Variants in NEFM observed in about 807,000 individuals in gnomAD.
NEFM encodes the protein neurofilament medium polypeptide.
A neutral mutation model predicts 48.1 loss-of-function variants in NEFM; 16 were observed. That is an observed-to-expected ratio of 0.33 (90% CI 0.23 to 0.51). NEFM has a LOEUF of 0.51. Among genes scored for constraint, NEFM ranks in the 20% least tolerant of loss-of-function variants. The pLI, the probability that NEFM is intolerant of heterozygous loss-of-function variation, is 0.98. For missense variants in NEFM, 1,107 were observed against 1,136.0 expected (o/e 0.97, Z 0.37); for synonymous variants, 465 against 456.9 (o/e 1.02, Z -0.23).
chr8:24,916,127 T>G (rs1294319862), intron 2 of NEFM, among the ~76,000 whole-genome samples: 2 of 152,228 alleles, frequency 1.3e-5, no homozygotes, highest in African/African-American at 4.8e-5. Flanking sequence ...GACGTTCTAT[T>G]TCTCTGTTTC....
At chr8:24,915,019 CG>C (rs1802551988) in intron 1 of NEFM, 146 bp downstream of exon 1, 10 of 1,395,186 alleles carry the variant, frequency 7.2e-6, no homozygotes, top group Non-Finnish European at 9.2e-6. Flanking sequence ...AGGGTATTTG[CG>C]GATCAGCGTC....
At chr8:24,915,007 C>T in intron 1 of NEFM, 134 bp downstream of exon 1, 2 of 1,405,170 alleles carry the variant, frequency 1.4e-6, no homozygotes, top group South Asian at 1.6e-5. Context: ...CGCCGCAGAC[C>T]TAGGGTATTT....
intron 2 of NEFM, 26 bp from the exon 3 acceptor site, chr8:24,917,035 C>G: frequency 6.2e-7 from 1 of 1,606,092 alleles, no homozygotes; most frequent in Non-Finnish European, 8.5e-7. Context: ...TTTACTATGT[C>G]TTATGTTCTT....
In NEFM at chr8:24,917,994, C is replaced by G; in HGVS notation, c.2139C>G (p.Pro713=). 1 of 1,604,974 alleles carries G rather than the reference C, an allele frequency of 6.2e-7. No individual in the cohort carries two copies. Among genetic ancestry groups the G allele is most frequent in the Non-Finnish European group, 8.5e-7 (1 of 1,175,046 alleles). Residue 713 remains proline, a synonymous_variant, in exon 3 of 3, where the codon CCC becomes CCG. Coordinates refer to ENST00000221166, the MANE Select transcript of NEFM (RefSeq NM_005382.2). The stretch of plus-strand genomic sequence containing the variant: ...AAGAAAAGGAAGTCAAGGAAGCTCC[C>G]AAGGAAGAGAAGGTAGAGAAAAAGG... ...EEEEKEVKEA[P]KEEKVEKKEE...
At chr8:24,916,287 A>G (rs928891819) in intron 2 of NEFM, among the ~76,000 whole-genome samples, 4 of 152,214 alleles carry the variant, frequency 2.6e-5, no homozygotes, top group East Asian at 1.9e-4. Context: ...TATATCATGT[A>G]TGATATTAAT....
rs139935951 is a variant in NEFM at position 24,915,832 on chromosome 8, T to G, written c.1205+103T>G. On this transcript the variant is annotated intron_variant, in intron 2 of 2. Transcript: ENST00000221166. The stretch of plus-strand genomic sequence containing the variant: ...AGTTAAAGCAGGCAGGGTGCAGGCA[T>G]CAACTCAGCACCTGGTTATCTTGCT... 2,536 of 1,459,900 alleles carry G rather than the reference T, an allele frequency of 1.7e-3. 40 individuals carry two copies. In the African/African-American group the frequency reaches 0.023, roughly 13 times the overall value. The allele number at this position is 1,459,900 out of a possible 1,614,324, so 90.4% of individuals were successfully genotyped here.
Position 24,913,777 on chromosome 8 carries a change from G to A in NEFM, c.-17G>A, listed in dbSNP as rs765377605. On this transcript the variant is annotated 5_prime_UTR_variant, in exon 1 of 3. Coordinates refer to ENST00000221166, the MANE Select transcript of NEFM (RefSeq NM_005382.2). ...CGGCAGAACGCTGTGACAGCCACAC[G>A]CCCCAAGGCCTCCAAGATGAGCTAC... 34 of 1,599,378 alleles carry A rather than the reference G, an allele frequency of 2.1e-5. No individual in the cohort carries two copies. The African/African-American group carries it at 2.8e-4, about 13-fold the overall frequency.
At position 24,915,686 on chromosome 8, in the gene NEFM, C is replaced by G. The variant is rs1802562693; in HGVS notation, c.1162C>G (p.Leu388Val). Residue 388 changes from leucine (L) to valine (V), a missense_variant, in exon 2 of 3, where the codon CTC becomes GTC. Physicochemically the swap from Leu to Val is conservative, Grantham distance 32. Coordinates refer to ENST00000221166, the MANE Select transcript of NEFM (RefSeq NM_005382.2). ...TCATTTGCGCGAATACCAGGACCTC[C>G]TCAACGTCAAGATGGCTCTGGATAT... is the stretch of plus-strand genomic sequence containing the variant. ...ARHLREYQDL[L>V]NVKMALDIEI... 2 of 1,613,900 alleles carry G rather than the reference C, an allele frequency of 1.2e-6. No individual in the cohort carries two copies. Among genetic ancestry groups the G allele is most frequent in the Non-Finnish European group, 1.7e-6 (2 of 1,180,020 alleles).
chr8:24,914,412 C>T lies in NEFM; in HGVS notation c.619C>T (p.Arg207Cys). 2 of 1,613,544 alleles carry T rather than the reference C, an allele frequency of 1.2e-6. No individual in the cohort carries two copies. The highest frequency in any genetic ancestry group is 1.7e-6 in the Non-Finnish European group (2 of 1,180,000). Residue 207 changes from arginine to cysteine, a missense_variant, in exon 1 of 3, where the codon CGC (arginine) becomes TGC (cysteine). Coordinates refer to ENST00000221166, the MANE Select transcript of NEFM (RefSeq NM_005382.2). Reference sequence around the variant, plus strand: ...CACTGAGGCGGCCATCCGCGCGCTGCGCAAAGACATCGAGGAGGCGTCGCT... The same window carrying T: ...CACTGAGGCGGCCATCCGCGCGCTGTGCAAAGACATCGAGGAGGCGTCGCT... ...DDTEAAIRAL[R>C]KDIEEASLVK...
Position 24,913,900 on chromosome 8 carries a change from G to T in NEFM, c.107G>T (p.Arg36Leu). ...RVSGSPSSGF[R>L]SQSWSRGSPS... ...AGCGGCTCCCCGTCCAGTGGCTTCCGCTCGCAGTCGTGGTCCCGCGGCTCG... is the reference window on the plus strand; with the variant it reads ...AGCGGCTCCCCGTCCAGTGGCTTCCTCTCGCAGTCGTGGTCCCGCGGCTCG... Residue 36 changes from arginine to leucine, a missense_variant, in exon 1 of 3, where the codon CGC becomes CTC. By Grantham distance (102) the Arg-to-Leu change is moderately radical. Around this residue, in one of 3 missense-constraint regions of NEFM, gnomAD observed 186 missense variants for 200.6 expected, o/e 0.93. Transcript: ENST00000221166. The T allele has an allele frequency of 6.2e-7, 1 of 1,610,258 alleles. No individual in the cohort carries two copies. Among genetic ancestry groups the T allele is most frequent in the Non-Finnish European group, 8.5e-7 (1 of 1,178,922 alleles).
Position 24,913,771 on chromosome 8 carries a change from C to T in NEFM, c.-23C>T, listed in dbSNP as rs371890128. 5.3e-5 allele frequency: 85 copies of T among 1,596,344 alleles called. No individual in the cohort carries two copies. The African/African-American group carries it at 1.1e-3, about 21-fold the overall frequency. On this transcript the variant is annotated 5_prime_UTR_variant, in exon 1 of 3. Coordinates refer to ENST00000221166, the MANE Select transcript of NEFM (RefSeq NM_005382.2). ...CGAGGCCGGCAGAACGCTGTGACAG[C>T]CACACGCCCCAAGGCCTCCAAGATG...
Position 24,914,291 on chromosome 8 carries a change from C to T in NEFM, c.498C>T (p.His166=). The change falls in exon 1 of 3, where the codon CAC becomes CAT. Residue 166 remains histidine (H), a synonymous_variant. Coordinates refer to ENST00000221166, the MANE Select transcript of NEFM (RefSeq NM_005382.2). ...GCGCCACCCTGGAGATGGTGAACCA[C>T]GAGAAGGCTCAGGTGCAGCTGGACT... is the stretch of plus-strand genomic sequence containing the variant. ...ELRATLEMVN[H]EKAQVQLDSD... 1.2e-6 allele frequency: 2 copies of T among 1,612,984 alleles called. No individual in the cohort carries two copies. Among genetic ancestry groups the T allele is most frequent in the South Asian group, 2.2e-5 (2 of 90,936 alleles).
At position 24,917,115 on chromosome 8, in the gene NEFM, T is replaced by A; in HGVS notation, c.1260T>A (p.Thr420=). ...TTAGCACATTTGCAGGAAGCATCACTGGGCCACTGTATACACACCGACCCC... is the reference window on the plus strand; with the variant it reads ...TTAGCACATTTGCAGGAAGCATCACAGGGCCACTGTATACACACCGACCCC... ...TRFSTFAGSI[T]GPLYTHRPPI... is the part of the protein sequence containing the mutation. Residue 420 remains threonine (T), a synonymous_variant, in exon 3 of 3, where the codon ACT becomes ACA. Coordinates refer to ENST00000221166, the MANE Select transcript of NEFM (RefSeq NM_005382.2). 1 of 1,614,162 alleles carries A rather than the reference T, an allele frequency of 6.2e-7. No homozygotes were observed. Among genetic ancestry groups the A allele is most frequent in the Middle Eastern group, 1.6e-4 (1 of 6,062 alleles).
chr8:24,915,614 C>T lies in NEFM; in HGVS notation c.1090C>T (p.Gln364Ter). 1 of 1,613,986 alleles carries T rather than the reference C, an allele frequency of 6.2e-7. No homozygotes were observed. Among genetic ancestry groups the T allele is most frequent in the Non-Finnish European group, 8.5e-7 (1 of 1,179,994 alleles). Residue 364 changes from glutamine (Q) to a stop codon, truncating the protein, a stop_gained, in exon 2 of 3, where the codon CAG becomes TAG. Transcript: ENST00000221166. LOFTEE classifies it high-confidence loss of function. The part of the protein sequence containing the change: ...HDLSSYQDTI[Q>*]QLENELRGTK... ...TCTGTGTCTGTTTCAGGACACCATC[C>T]AGCAGCTGGAAAATGAGCTTCGGGG...
At position 24,915,691 on chromosome 8, in the gene NEFM, C is replaced by A. The variant is rs200056948; in HGVS notation, c.1167C>A (p.Asn389Lys). Residue 389 changes from asparagine (N) to lysine (K), a missense_variant, in exon 2 of 3, where the codon AAC (asparagine) becomes AAA (lysine). Coordinates refer to ENST00000221166, the MANE Select transcript of NEFM (RefSeq NM_005382.2). ...RHLREYQDLL[N>K]VKMALDIEIA... ...TGCGCGAATACCAGGACCTCCTCAA[C>A]GTCAAGATGGCTCTGGATATAGAAA... The A allele has an allele frequency of 1.2e-6, 2 of 1,614,034 alleles. No homozygotes were observed. Among genetic ancestry groups the A allele is most frequent in the Non-Finnish European group, 1.7e-6 (2 of 1,180,000 alleles).
chr8:24,918,340 G>T lies in NEFM; in HGVS notation c.2485G>T (p.Val829Phe), dbSNP rs371207848. 2.7e-5 allele frequency: 43 copies of T among 1,613,888 alleles called. No homozygotes were observed. The East Asian group carries it at 8.2e-4, about 31-fold the overall frequency. Residue 829 changes from valine to phenylalanine, a missense_variant, in exon 3 of 3, where the codon GTT (valine) becomes TTT (phenylalanine). Physicochemically the swap from Val to Phe is conservative, Grantham distance 50. Around this residue, in one of 3 missense-constraint regions of NEFM, gnomAD observed 917 missense variants for 916.4 expected, o/e 1.00. Coordinates refer to ENST00000221166, the MANE Select transcript of NEFM (RefSeq NM_005382.2). ...KGSGREEEKG[V>F]VTNGLDLSPA... Reference sequence around the variant, plus strand: ...CAGTGGGAGGGAAGAGGAGAAAGGCGTTGTCACCAATGGCCTAGACTTGAG... The same window carrying T: ...CAGTGGGAGGGAAGAGGAGAAAGGCTTTGTCACCAATGGCCTAGACTTGAG...
Position 24,917,888 on chromosome 8 carries a change from C to G in NEFM, c.2033C>G (p.Ala678Gly), listed in dbSNP as rs1221174701. ...TCAAAATCACCAGTGGAAGAGAAAG[C>G]CAAATCTCCTGTGCCAAAATCACCA... ...PVSKSPVEEK[A>G]KSPVPKSPVE... is the part of the protein sequence containing the mutation. The change falls in exon 3 of 3, where the codon GCC (alanine) becomes GGC (glycine). Residue 678 changes from alanine to glycine, a missense_variant. Ala to Gly is a moderately conservative substitution (Grantham distance 60, BLOSUM62 0). Around this residue, in one of 3 missense-constraint regions of NEFM, gnomAD observed 917 missense variants for 916.4 expected, o/e 1.00. Transcript: ENST00000221166. 3.7e-6 allele frequency: 6 copies of G among 1,613,554 alleles called. No individual in the cohort carries two copies. The African/African-American group carries it at 5.4e-5, about 14-fold the overall frequency.
In NEFM at chr8:24,914,396, G is replaced by A; in HGVS notation, c.603G>A (p.Ala201=). Residue 201 remains alanine, a synonymous_variant, in exon 1 of 3, where the codon GCG becomes GCA. Coordinates refer to ENST00000221166, the MANE Select transcript of NEFM (RefSeq NM_005382.2). ...EEARLRDDTE[A]AIRALRKDIE... ...CGCGGTTGCGCGACGACACTGAGGC[G>A]GCCATCCGCGCGCTGCGCAAAGACA... 6.2e-7 allele frequency: 1 copy of A among 1,613,602 alleles called. No homozygotes were observed. The highest frequency in any genetic ancestry group is 8.5e-7 in the Non-Finnish European group (1 of 1,179,978).
Position 24,913,992 on chromosome 8 carries a change from A to G in NEFM, c.199A>G (p.Met67Val), listed in dbSNP as rs1802533654. ...CCCGCGCCTCGCTTACAGCTCGGCC[A>G]TGCTCAGCTCCGCCGAGAGCAGCCT... The part of the protein sequence containing the change: ...LAPRLAYSSA[M>V]LSSAESSLDF... Residue 67 changes from methionine to valine, a missense_variant, in exon 1 of 3, where the codon ATG (methionine) becomes GTG (valine). This residue lies in a region of NEFM where 186 missense variants were observed against 200.6 expected (regional missense o/e 0.93). Coordinates refer to ENST00000221166, the MANE Select transcript of NEFM (RefSeq NM_005382.2). The G allele has an allele frequency of 6.2e-7, 1 of 1,611,284 alleles. No individual in the cohort carries two copies.
Sources: allele counts gnomAD v4.1 joint callset (sites outside exome capture counted in the v4.1 genomes callset), GRCh38; gene constraint gnomAD v4.1.1; regional missense constraint gnomAD v4.1.1; transcripts MANE v1.5; gene names NCBI Gene and HGNC (gene_info 2026-07-23, HGNC 2026-07-21).